COG5: variants seen among roughly 807,000 people sequenced by gnomAD.
The protein encoded by COG5 is component of oligomeric golgi complex 5.
A neutral mutation model predicts 110.4 loss-of-function variants in COG5; 86 were observed. The ratio of observed to expected loss-of-function variants is 0.78; its 90% CI spans 0.65 to 0.93. The LOEUF (loss-of-function observed/expected upper bound fraction) is 0.93, where lower values mean the gene tolerates loss of function less well. COG5 is among the 40% of genes least tolerant of loss of function. The pLI is 0.00. For missense variants in COG5, 1,077 were observed against 987.0 expected (o/e 1.09, Z -1.22); for synonymous variants, 360 against 334.6 (o/e 1.08, Z -0.83).
chr7:107,558,561 G>A (rs1055689372), intron 1 of COG5, among the ~76,000 whole-genome samples: 2 of 151,586 alleles, frequency 1.3e-5, no homozygotes, highest in Non-Finnish European at 2.9e-5. Context: ...CCGAGATCGT[G>A]CCATTGCAAT....
rs201819480 is a variant in COG5, at chr7:107,241,353, G to GT, written c.1854-4667dup. Among the ~76,000 whole-genome samples, 676 of 145,490 alleles carry GT rather than the reference G, an allele frequency of 4.6e-3. 2 individuals are homozygous for GT. The highest frequency in any genetic ancestry group is 0.016 in the African/African-American group (627 of 39,506). ...TATGTTATATTGAGTTCCAAATATAGTTTTTTTTTCGGTAGAATTCACTTT... is the reference window on the plus strand; with the variant it reads ...TATGTTATATTGAGTTCCAAATATAGTTTTTTTTTTCGGTAGAATTCACTTT... On this transcript the variant is annotated intron_variant, in intron 17 of 21. Transcript: ENST00000297135.
intron 6 of COG5, among the ~76,000 whole-genome samples, chr7:107,468,689 A>ACTAC (rs1331806751): frequency 1.3e-5 from 2 of 152,184 alleles, no homozygotes; most frequent in African/African-American, 2.4e-5. Context: ...AAGATTCAAC[A>ACTAC]CTACCAGTGG....
Position 107,474,576 on chromosome 7 carries a change from C to T in COG5, c.538+52661G>A, listed in dbSNP as rs771672641. Reference sequence around the variant, plus strand: ...TTTGGATTTTTTCTTTTTTCTCTTTCCTGATTCCTTTTATTGAGGTAAATT... The same window carrying T: ...TTTGGATTTTTTCTTTTTTCTCTTTTCTGATTCCTTTTATTGAGGTAAATT... On this transcript the variant is annotated intron_variant, in intron 6 of 21. Coordinates refer to ENST00000297135, the MANE Select transcript of COG5 (RefSeq NM_006348.5). The surrounding 1 kb of genome is among the most constrained non-coding windows in gnomAD (Gnocchi z 5.7). 8.7e-6 allele frequency: 14 copies of T among 1,610,294 alleles called. No individual in the cohort carries two copies. The South Asian group carries it at 1.5e-4, about 18-fold the overall frequency.
At chr7:107,484,072 T>C (rs545570633) in intron 6 of COG5, among the ~76,000 whole-genome samples, 4 of 152,192 alleles carry the variant, frequency 2.6e-5, no homozygotes, top group South Asian at 2.1e-4. Context: ...TAATATAAAA[T>C]AACTTTAGCA....
chr7:107,297,980 G>C (rs1411966560), intron 12 of COG5, among the ~76,000 whole-genome samples, 162 bp downstream of exon 12: 1 of 151,982 alleles, frequency 6.6e-6, no homozygotes, highest in Admixed American at 6.6e-5. Context: ...GACTTATTCA[G>C]TTAAAAGTCT....
chr7:107,521,126 C>T (rs1198676010), intron 6 of COG5, among the ~76,000 whole-genome samples: 1 of 152,166 alleles, frequency 6.6e-6, no homozygotes, highest in Non-Finnish European at 1.5e-5. Context: ...TTCCTTATAC[C>T]TTATTCAAAA....
At chr7:107,356,325 T>G (rs1397952231) in intron 10 of COG5, among the ~76,000 whole-genome samples, 1 of 152,246 alleles carries the variant, frequency 6.6e-6, no homozygotes, top group Non-Finnish European at 1.5e-5. Flanking sequence ...ATAATGTAAC[T>G]GTTTATAATC....
chr7:107,486,311 AATTTCC>A (rs1270729556), intron 6 of COG5, among the ~76,000 whole-genome samples: 1 of 152,096 alleles, frequency 6.6e-6, no homozygotes, highest in African/African-American at 2.4e-5. Flanking sequence ...AATCTCTCAC[AATTTCC>A]ATTTCCATTT....
chr7:107,264,790 G>C (rs919867781), intron 14 of COG5, among the ~76,000 whole-genome samples: 4 of 152,050 alleles, frequency 2.6e-5, no homozygotes, highest in African/African-American at 9.7e-5. Context: ...ATAAAACTGA[G>C]AAATCATAAA....
intron 10 of COG5, among the ~76,000 whole-genome samples, chr7:107,333,838 TC>T (rs1562972993): frequency 1.3e-5 from 2 of 152,144 alleles, no homozygotes; most frequent in African/African-American, 4.8e-5. Context: ...AAGTAAAAGT[TC>T]CTCTTTAAAC....
chr7:107,460,640 C>T (rs941876909), intron 6 of COG5, among the ~76,000 whole-genome samples: 2 of 151,584 alleles, frequency 1.3e-5, no homozygotes, highest in African/African-American at 4.9e-5. Context: ...AAGAACATAA[C>T]AACATTGTTC....
At chr7:107,255,522 T>G (rs1785492884) in intron 16 of COG5, among the ~76,000 whole-genome samples, 1 of 152,078 alleles carries the variant, frequency 6.6e-6, no homozygotes, top group South Asian at 2.1e-4. Flanking sequence ...TGACACAGTA[T>G]TCTCCTAATT....
chr7:107,419,874 T>A (rs948996573), intron 6 of COG5, among the ~76,000 whole-genome samples: 22 of 152,160 alleles, frequency 1.4e-4, no homozygotes, highest in Non-Finnish European at 2.9e-5. Context: ...GGCCAAGAGT[T>A]TATAGTTTTA....
At chr7:107,560,013 G>A (rs1480445706) in intron 1 of COG5, among the ~76,000 whole-genome samples, 1 of 152,212 alleles carries the variant, frequency 6.6e-6, no homozygotes, top group African/African-American at 2.4e-5. Context: ...TCAGCTTTAT[G>A]TTACAGAACA....
At chr7:107,248,825 AAC>A (rs1469903042) in intron 16 of COG5, among the ~76,000 whole-genome samples, 4 of 152,258 alleles carry the variant, frequency 2.6e-5, no homozygotes, top group African/African-American at 9.6e-5. Flanking sequence ...AGGTCAAATG[AAC>A]ACATTTAAGT....
At chr7:107,243,679 C>T (rs191726071) in intron 17 of COG5, among the ~76,000 whole-genome samples, 188 of 152,108 alleles carry the variant, frequency 1.2e-3, no homozygotes, top group Middle Eastern at 3.4e-3. Flanking sequence ...AACTGATAGA[C>T]CTTTACAGAA....
At chr7:107,536,317 A>G (rs1464416954) in intron 5 of COG5, among the ~76,000 whole-genome samples, 1 of 152,204 alleles carries the variant, frequency 6.6e-6, no homozygotes, top group Non-Finnish European at 1.5e-5. Context: ...ATAGGAAGAG[A>G]GGAAATCAAA....
intron 10 of COG5, among the ~76,000 whole-genome samples, chr7:107,328,607 C>A (rs1274060298): frequency 2.6e-5 from 4 of 151,988 alleles, no homozygotes; most frequent in Non-Finnish European, 5.9e-5. Context: ...TGGTAATTGC[C>A]AAGAGATGGG....
chr7:107,286,620 T>A (rs1805653550), intron 12 of COG5, among the ~76,000 whole-genome samples: 1 of 152,222 alleles, frequency 6.6e-6, no homozygotes, highest in Non-Finnish European at 1.5e-5. Context: ...ATTCTACTTG[T>A]GCAACTCTTC....
Sources: allele counts gnomAD v4.1 joint callset (sites outside exome capture counted in the v4.1 genomes callset), GRCh38; gene constraint gnomAD v4.1.1; non-coding constraint Gnocchi (gnomAD v3.1); transcripts MANE v1.5; gene names NCBI Gene and HGNC (gene_info 2026-07-23, HGNC 2026-07-21).